NPAS3: variants seen among roughly 807,000 people sequenced by gnomAD.
The protein encoded by NPAS3 is neuronal PAS domain-containing protein 3.
Under a neutral mutation model 73.1 loss-of-function variants are expected in NPAS3, and 14 were observed. The ratio of observed to expected loss-of-function variants is 0.19; its 90% CI spans 0.13 to 0.30. The LOEUF is 0.30. Among genes scored for constraint, NPAS3 ranks in the 10% least tolerant of loss-of-function variants. The pLI is 1.00. For synonymous variants in NPAS3, 620 were observed against 541.5 expected, an observed-to-expected ratio of 1.14 and a Z score of -2.01; for missense variants, 1,096 against 1,250.0, an observed-to-expected ratio of 0.88 and a Z score of 1.86.
intron 1 of NPAS3, among the ~76,000 whole-genome samples, chr14:32,962,028 CT>C (rs2036943640): frequency 1.3e-5 from 2 of 151,984 alleles, no homozygotes; most frequent in Non-Finnish European, 2.9e-5. Flanking sequence ...TCATTTGCAG[CT>C]TTGGGGTCAA....
chr14:33,771,680 C>T (rs2062656711), intron 7 of NPAS3, among the ~76,000 whole-genome samples: 1 of 151,940 alleles, frequency 6.6e-6, no homozygotes, highest in Non-Finnish European at 1.5e-5. Context: ...GGCATGGTGG[C>T]GGGGCCTGTG....
chr14:33,022,698 G>A (rs1423455649), intron 1 of NPAS3, among the ~76,000 whole-genome samples: 3 of 145,068 alleles, frequency 2.1e-5, no homozygotes, highest in Non-Finnish European at 3.0e-5. Flanking sequence ...AGTTACTTTT[G>A]TGTAAGAAAA....
intron 5 of NPAS3, among the ~76,000 whole-genome samples, chr14:33,665,448 A>AAAAAC (rs529926261): frequency 7.9e-5 from 12 of 152,176 alleles, no homozygotes; most frequent in Non-Finnish European, 1.3e-4. Context: ...GTGTGATTAA[A>AAAAAC]AAAACAAAAC....
At chr14:33,691,493 G>A (rs529274836) in intron 6 of NPAS3, among the ~76,000 whole-genome samples, 1 of 152,070 alleles carries the variant, frequency 6.6e-6, no homozygotes, top group Non-Finnish European at 1.5e-5. Flanking sequence ...AACGAATCTG[G>A]CTGCTCAGAG....
At chr14:33,186,192 G>A (rs912967010) in intron 2 of NPAS3, among the ~76,000 whole-genome samples, 4 of 152,146 alleles carry the variant, frequency 2.6e-5, no homozygotes, top group African/African-American at 4.8e-5. Context: ...GGTGAACCAT[G>A]CATACTTTTA....
chr14:33,479,669 C>G (rs910811315), intron 4 of NPAS3, among the ~76,000 whole-genome samples: 2 of 152,140 alleles, frequency 1.3e-5, no homozygotes, highest in Non-Finnish European at 2.9e-5. Context: ...GGCACTTTTC[C>G]TCGGTCAGTC....
intron 3 of NPAS3, among the ~76,000 whole-genome samples, chr14:33,345,955 G>A (rs372447326): frequency 6.6e-6 from 1 of 152,124 alleles, no homozygotes; most frequent in East Asian, 1.9e-4. Flanking sequence ...ATTCAGGGCT[G>A]GGCACGGTGG....
intron 7 of NPAS3, among the ~76,000 whole-genome samples, chr14:33,740,988 T>C (rs1314567341): frequency 6.6e-6 from 1 of 152,140 alleles, no homozygotes; most frequent in African/African-American, 2.4e-5. Flanking sequence ...TATGGAGTTT[T>C]AATTATACCA....
At chr14:33,214,016 G>A (rs548178038) in intron 2 of NPAS3, 58 of 151,936 alleles carry the variant, frequency 3.8e-4, no homozygotes, top group African/African-American at 1.4e-3. Flanking sequence ...TCTTCCTTTG[G>A]TCTTCCTTCC....
chr14:33,199,993 T>C (rs1339572363), intron 2 of NPAS3, among the ~76,000 whole-genome samples: 4 of 151,568 alleles, frequency 2.6e-5, no homozygotes, highest in African/African-American at 9.7e-5. Context: ...ATTTAAGATA[T>C]TGTTAATCAC....
chr14:32,972,778 C>T (rs771134285), intron 1 of NPAS3, among the ~76,000 whole-genome samples: 20 of 152,104 alleles, frequency 1.3e-4, no homozygotes, highest in Admixed American at 2.6e-4. Flanking sequence ...CATCAAGAAC[C>T]GGGAGTTCAG....
intron 11 of NPAS3, 87 bp downstream of exon 11, chr14:33,797,668 G>A (rs2063552576): frequency 1.5e-6 from 2 of 1,366,386 alleles, no homozygotes; most frequent in South Asian, 2.6e-5. Context: ...CATCATCAGA[G>A]GCAAAGCAAC....
chr14:33,242,921 G>C (rs1050921929), intron 3 of NPAS3, among the ~76,000 whole-genome samples: 1 of 152,028 alleles, frequency 6.6e-6, no homozygotes, highest in Non-Finnish European at 1.5e-5. Context: ...TGTTAAAAAC[G>C]AGTGGCCCTT....
chr14:33,383,627 C>T (rs1436663807), intron 4 of NPAS3, among the ~76,000 whole-genome samples: 1 of 152,168 alleles, frequency 6.6e-6, no homozygotes, highest in Non-Finnish European at 1.5e-5. Flanking sequence ...CCTTTAATTG[C>T]TTTATCACAG....
At chr14:33,438,241 A>G (rs2049077414) in intron 4 of NPAS3, among the ~76,000 whole-genome samples, 1 of 152,170 alleles carries the variant, frequency 6.6e-6, no homozygotes, top group South Asian at 2.1e-4. Flanking sequence ...AAAAGATGAC[A>G]TGCATTGCAG....
chr14:33,070,462 G>C (rs902535842), intron 2 of NPAS3, among the ~76,000 whole-genome samples: 2 of 152,120 alleles, frequency 1.3e-5, no homozygotes, highest in African/African-American at 4.8e-5. Flanking sequence ...CTTCTGTGAG[G>C]CACTCAGGTT....
At chr14:33,218,397 T>C (rs527548927) in intron 3 of NPAS3, among the ~76,000 whole-genome samples, 1 of 152,208 alleles carries the variant, frequency 6.6e-6, no homozygotes, top group Non-Finnish European at 1.5e-5. Context: ...ATTTTATTGC[T>C]TTACTCTAGT....
At chr14:33,747,418 G>A (rs540322090) in intron 7 of NPAS3, among the ~76,000 whole-genome samples, 64 of 152,314 alleles carry the variant, frequency 4.2e-4, no homozygotes, top group Middle Eastern at 3.4e-3. Context: ...TGATAGCTCC[G>A]TTGTAGTGAC....
intron 7 of NPAS3, among the ~76,000 whole-genome samples, chr14:33,769,371 C>T (rs572238211): frequency 2.6e-5 from 4 of 152,360 alleles, no homozygotes; most frequent in African/African-American, 7.2e-5. Context: ...ATCTTTGTCT[C>T]CACTGGTTAC....
Sources: gnomAD v4.1 joint callset for allele counts (sites outside exome capture counted in the v4.1 genomes callset) on GRCh38, gnomAD v4.1.1 for gene constraint, MANE v1.5 for transcripts, NCBI Gene and HGNC (gene_info 2026-07-23, HGNC 2026-07-21) for gene names.